The following ADGRG5 variants were observed in gnomAD, a reference collection of about 807,000 sequenced individuals.
The protein encoded by ADGRG5 is G protein-coupled receptor 114.
In ADGRG5, 37 loss-of-function variants were observed where a neutral mutation model predicts 53.2. The ratio of observed to expected loss-of-function variants is 0.70; its 90% CI spans 0.53 to 0.91. ADGRG5 has a LOEUF of 0.91. ADGRG5 is among the 40% of genes least tolerant of loss of function. The pLI is 0.00. For missense variants in ADGRG5, 614 were observed against 675.8 expected (o/e 0.91, Z 1.01); for synonymous variants, 277 against 290.4 (o/e 0.95, Z 0.47).
chr16:57,550,321 T>A lies in ADGRG5; in HGVS notation c.-39+7620T>A, dbSNP rs543007078. Among the ~76,000 whole-genome samples the A allele has an allele frequency of 1.2e-4, 19 of 152,352 alleles. No individual in the cohort carries two copies. In the South Asian group the frequency reaches 3.5e-3, roughly 28 times the overall value. ...TTGGTATAGTGATTGTTCAAATCTT[T>A]TCCTATATTTATTGGGTTGTTTGTC... is the stretch of plus-strand genomic sequence containing the variant. On this transcript the variant is annotated intron_variant, in intron 1 of 11. Transcript: ENST00000349457.
At chr16:57,538,392 G>T (rs2032439228), upstream of ADGRG5, among the ~76,000 whole-genome samples, 1 of 152,114 alleles carries the variant, frequency 6.6e-6, no homozygotes, top group Non-Finnish European at 1.5e-5. Context: ...ATCGCCTGAG[G>T]CCGGGAGTTC....
At chr16:57,541,972 C>T (rs2032498847), upstream of ADGRG5, among the ~76,000 whole-genome samples, 1 of 139,582 alleles carries the variant, frequency 7.2e-6, no homozygotes, top group East Asian at 2.4e-4. Context: ...TGGGCCAGGC[C>T]CAGGTCCTCT....
At chr16:57,560,001 T>A (rs1567618026) in intron 1 of ADGRG5, among the ~76,000 whole-genome samples, 2 of 152,234 alleles carry the variant, frequency 1.3e-5, no homozygotes, top group Admixed American at 6.5e-5. Flanking sequence ...ATTTTTGCAT[T>A]TATAAACTTC....
intron 5 of ADGRG5, 115 bp from the exon 6 acceptor site, chr16:57,564,919 C>T (rs888259721): frequency 8.9e-6 from 6 of 677,484 alleles, no homozygotes; most frequent in East Asian, 2.6e-5. Context: ...AAAGCTTTCA[C>T]GCTGCACACG....
intron 1 of ADGRG5, among the ~76,000 whole-genome samples, chr16:57,560,905 T>C (rs1158666572): frequency 2.6e-5 from 4 of 152,122 alleles, no homozygotes; most frequent in African/African-American, 9.7e-5. Flanking sequence ...CCCACCTGAG[T>C]AGCTGGAGAC....
chr16:57,554,676 A>C (rs1282354893), intron 1 of ADGRG5, among the ~76,000 whole-genome samples: 1 of 152,112 alleles, frequency 6.6e-6, no homozygotes, highest in Non-Finnish European at 1.5e-5. Flanking sequence ...ACGCTCGGCC[A>C]TAATTTTATC....
chr16:57,554,171 C>G (rs1367239631), intron 1 of ADGRG5, among the ~76,000 whole-genome samples: 1 of 151,478 alleles, frequency 6.6e-6, no homozygotes, highest in African/African-American at 2.4e-5. Context: ...TAATATTATT[C>G]TCCTATTTTT....
Position 57,562,148 on chromosome 16 carries a change from G to A in ADGRG5, c.55G>A (p.Ala19Thr), listed in dbSNP as rs772253046. 6.2e-7 allele frequency: 1 copy of A among 1,601,710 alleles called. No individual in the cohort carries two copies. The highest frequency in any genetic ancestry group is 2.2e-5 in the East Asian group (1 of 44,564). ...CCTGTGCCTTCTGACTTTGCAGAATGCAACAACAGGTAAGGGGGCTCTGCT... is the reference window on the plus strand; with the variant it reads ...CCTGTGCCTTCTGACTTTGCAGAATACAACAACAGGTAAGGGGGCTCTGCT... The part of the protein sequence containing the change: ...LCLCLLTLQN[A>T]TTETWEELLS... Residue 19 changes from alanine to threonine, a missense_variant, in exon 2 of 12, where the codon GCA becomes ACA. Transcript: ENST00000349457.
rs1209945045 is a variant in ADGRG5 at position 57,547,491 on chromosome 16, C to G, written c.-39+4790C>G. ...GACGGAGTCTCGCTCTGTGGCCAGG[C>G]TGGAGTGCAGTGGCGCGATCTCGGC... On this transcript the variant is annotated intron_variant, in intron 1 of 11. Transcript: ENST00000349457. 2.6e-5 allele frequency among the ~76,000 whole-genome samples: 4 copies of G among 152,248 alleles called. No homozygotes were observed. In the East Asian group the frequency reaches 7.7e-4, roughly 29 times the overall value.
intron 1 of ADGRG5, among the ~76,000 whole-genome samples, chr16:57,553,604 C>A (rs190395543): frequency 2.0e-5 from 3 of 152,208 alleles, no homozygotes; most frequent in Non-Finnish European, 4.4e-5. Flanking sequence ...GCCTTGAAAT[C>A]AGGTAGTGTG....
intron 1 of ADGRG5, among the ~76,000 whole-genome samples, chr16:57,553,249 A>G (rs2032795274): frequency 6.6e-6 from 1 of 152,234 alleles, no homozygotes; most frequent in African/African-American, 2.4e-5. Flanking sequence ...CAATTTGTAA[A>G]AAAAACCCAC....
At chr16:57,546,780 A>T (rs2032629672) in intron 1 of ADGRG5, among the ~76,000 whole-genome samples, 1 of 151,976 alleles carries the variant, frequency 6.6e-6, no homozygotes, top group Non-Finnish European at 1.5e-5. Flanking sequence ...GTGCAGTGGC[A>T]CAATCATAGC....
chr16:57,540,104 G>A (rs1469611358), upstream of ADGRG5, among the ~76,000 whole-genome samples: 1 of 152,052 alleles, frequency 6.6e-6, no homozygotes, highest in Non-Finnish European at 1.5e-5. Flanking sequence ...TTCGCTGGGC[G>A]TGGTGGTGTG....
intron 6 of ADGRG5, 148 bp from the exon 7 acceptor site, chr16:57,566,451 C>G (rs2033133150): frequency 1.6e-6 from 1 of 630,748 alleles, no homozygotes; most frequent in Admixed American, 3.2e-5. Context: ...GGACAGGAAT[C>G]TGAGACTGTC....
intron 1 of ADGRG5, among the ~76,000 whole-genome samples, chr16:57,559,466 G>A (rs1183913219): frequency 1.1e-4 from 17 of 152,306 alleles, no homozygotes; most frequent in African/African-American, 4.1e-4. Flanking sequence ...ATTCTCATGA[G>A]CATCCAGTGG....
At chr16:57,531,299 C>T in the ADGRG5 span, among the ~76,000 whole-genome samples, 1 of 150,720 alleles carries the variant, frequency 6.6e-6, no homozygotes, top group East Asian at 1.9e-4. Context: ...CCAGAGAAGG[C>T]ACTTCCTCAC....
chr16:57,562,503 A>G, intron 3 of ADGRG5, 44 bp downstream of exon 3: 1 of 1,386,350 alleles, frequency 7.2e-7, no homozygotes, highest in Non-Finnish European at 1.0e-6. Flanking sequence ...ACCTTGAATC[A>G]GTGGGTCAGG....
Position 57,575,426 on chromosome 16 carries a change from T to G in ADGRG5, c.1487-12T>G, listed in dbSNP as rs200168408. ...CATGCTGCCCCGTGGAACTCCCGCC[T>G]TTCTCTTGCAGGTTTCTTCCTTTTC... On this transcript the variant is annotated splice_polypyrimidine_tract_variant and intron_variant, in intron 11 of 11. Transcript: ENST00000349457. The G allele has an allele frequency of 3.2e-5, 52 of 1,613,508 alleles. No homozygotes were observed. The East Asian group carries it at 1.1e-3, about 35-fold the overall frequency.
At chr16:57,534,922 G>A in the ADGRG5 span, among the ~76,000 whole-genome samples, 1 of 152,188 alleles carries the variant, frequency 6.6e-6, no homozygotes. Flanking sequence ...TGTTTGGATG[G>A]GTCTCTCCAT....
Sources: gnomAD v4.1 joint callset for allele counts (sites outside exome capture counted in the v4.1 genomes callset) on GRCh38, gnomAD v4.1.1 for gene constraint, MANE v1.5 for transcripts, NCBI Gene and HGNC (gene_info 2026-07-23, HGNC 2026-07-21) for gene names.